Variants in CDH1 observed in about 807,000 individuals in gnomAD.
CDH1 encodes the protein cadherin-1.
In CDH1, 35 loss-of-function variants were observed where a neutral mutation model predicts 84.5. That is an observed-to-expected ratio of 0.41 (90% CI 0.32 to 0.55). The LOEUF is 0.55. CDH1 is among the 20% of genes least tolerant of loss of function. The pLI, the probability that CDH1 is intolerant of heterozygous loss-of-function variation, is 0.19. For synonymous variants in CDH1, 417 were observed against 439.0 expected, an observed-to-expected ratio of 0.95 and a Z score of 0.63; for missense variants, 994 against 1,126.6, an observed-to-expected ratio of 0.88 and a Z score of 1.68.
chr16:68,747,924 C>T (rs988903235), intron 2 of CDH1, among the ~76,000 whole-genome samples: 1 of 151,640 alleles, frequency 6.6e-6, no homozygotes, highest in Non-Finnish European at 1.5e-5. Context: ...CCAACACACC[C>T]GGCTAATTTT....
rs1555514454 is a variant in CDH1, at chr16:68,801,805, T to C, written c.299T>C (p.Val100Ala). ...CATAACCCACAGATCCATTTCTTGG[T>C]CTACGCCTGGGACTCCACCTACAGA... Reference protein sequence around the residue: ...RFHNPQIHFLVYAWDSTYRKF... With the variant: ...RFHNPQIHFLAYAWDSTYRKF... The change falls in exon 3 of 16, where the codon GTC becomes GCC. Residue 100 changes from valine to alanine, a missense_variant. Val to Ala is a moderately conservative substitution (Grantham distance 64, BLOSUM62 0). Transcript: ENST00000261769. 2 of 1,614,224 alleles carry C rather than the reference T, an allele frequency of 1.2e-6. No individual in the cohort carries two copies. Among genetic ancestry groups the C allele is most frequent in the Non-Finnish European group, 1.7e-6 (2 of 1,180,032 alleles).
At position 68,763,003 on chromosome 16, in the gene CDH1, C is replaced by T. The variant is rs989188285; in HGVS notation, c.163+24592C>T. ...GGCCATCTTTTTAAACAGTAAGGGA[C>T]CTTTAAAAAGTTTGATTCCTCTCTT... On this transcript the variant is annotated intron_variant, in intron 2 of 15. Transcript: ENST00000261769. Among the ~76,000 whole-genome samples the T allele has an allele frequency of 3.1e-4, 46 of 149,894 alleles. 1 individual carries two copies. Among genetic ancestry groups the T allele is most frequent in the Admixed American group, 2.5e-3 (37 of 15,022 alleles).
intron 12 of CDH1, 116 bp from the exon 13 acceptor site, chr16:68,823,283 C>T: frequency 1.3e-6 from 1 of 757,448 alleles, no homozygotes; most frequent in East Asian, 2.5e-5. Context: ...ACCCAAGCAG[C>T]TCTGCTCTCT....
intron 2 of CDH1, among the ~76,000 whole-genome samples, chr16:68,748,554 G>A (rs1431089039): frequency 6.6e-6 from 1 of 152,244 alleles, no homozygotes; most frequent in Non-Finnish European, 1.5e-5. Context: ...ACACTGGGTA[G>A]TGTCCTATCT....
intron 2 of CDH1, among the ~76,000 whole-genome samples, chr16:68,782,441 AG>A (rs1221766067): frequency 3.3e-5 from 5 of 152,236 alleles, no homozygotes; most frequent in African/African-American, 1.2e-4. Context: ...CAACTGTGAC[AG>A]GTGGGGGCCA....
intron 11 of CDH1, 100 bp from the exon 12 acceptor site, chr16:68,821,901 A>G: frequency 2.1e-6 from 2 of 931,490 alleles, no homozygotes; most frequent in East Asian, 4.9e-5. Flanking sequence ...GTGAGGGACC[A>G]CTGAAGAGCC....
intron 10 of CDH1, among the ~76,000 whole-genome samples, chr16:68,818,855 A>G (rs1344046781): frequency 6.7e-6 from 1 of 149,892 alleles, no homozygotes; most frequent in Non-Finnish European, 1.5e-5. Context: ...GTCTCAAAAA[A>G]AAAAAAAAAA....
intron 2 of CDH1, among the ~76,000 whole-genome samples, chr16:68,775,767 G>T (rs1044375021): frequency 6.6e-6 from 1 of 152,160 alleles, no homozygotes; most frequent in African/African-American, 2.4e-5. Flanking sequence ...GAAACAAAAG[G>T]TTATGATTTG....
intron 2 of CDH1, among the ~76,000 whole-genome samples, chr16:68,761,020 A>G (rs748934745): frequency 1.3e-5 from 2 of 152,196 alleles, no homozygotes; most frequent in Non-Finnish European, 2.9e-5. Context: ...CAGATAGGTC[A>G]AGTGAAACTG....
chr16:68,819,299 A>G lies in CDH1; in HGVS notation c.1585A>G (p.Thr529Ala), dbSNP rs776890776. 6.2e-6 allele frequency: 10 copies of G among 1,614,232 alleles called. No individual in the cohort carries two copies. The East Asian group carries it at 2.2e-4, about 36-fold the overall frequency. The change falls in exon 11 of 16, where the codon ACT becomes GCT. Residue 529 changes from threonine (T) to alanine (A), a missense_variant. Around this residue, in one of 3 missense-constraint regions of CDH1, gnomAD observed 769 missense variants for 881.8 expected, o/e 0.87. Coordinates refer to ENST00000261769, the MANE Select transcript of CDH1 (RefSeq NM_004360.5). ...GTTCAGATATCGGATTTGGAGAGAC[A>G]CTGCCAACTGGCTGGAGATTAATCC... ...QKITYRIWRDTANWLEINPDT... is the reference protein window; with the variant it reads ...QKITYRIWRDAANWLEINPDT...
At chr16:68,767,097 G>A (rs1185330688) in intron 2 of CDH1, among the ~76,000 whole-genome samples, 1 of 152,034 alleles carries the variant, frequency 6.6e-6, no homozygotes, top group Non-Finnish European at 1.5e-5. Flanking sequence ...CTGTGACAGG[G>A]AGATCTGCCA....
chr16:68,834,464 G>T lies in CDH1; in HGVS notation c.*965G>T. On this transcript the variant is annotated 3_prime_UTR_variant, in exon 16 of 16. Coordinates refer to ENST00000261769, the MANE Select transcript of CDH1 (RefSeq NM_004360.5). ...ACTCCTGGCCTCAAGCAATCCTTCT[G>T]CCTTGGCCCCCCAAAGTGCTGGGAT... The T allele has an allele frequency of 3.2e-6, 1 of 316,478 alleles. No individual in the cohort carries two copies. Among genetic ancestry groups the T allele is most frequent in the Non-Finnish European group, 6.1e-6 (1 of 163,290 alleles). 19.6% of individuals were successfully genotyped at this position (316,478 alleles called of 1,614,324 possible). A position where few individuals can be genotyped will look rare whatever the true frequency, so the allele number is the denominator to read the frequency against.
At chr16:68,809,878 A>C (rs540038054) in intron 5 of CDH1, among the ~76,000 whole-genome samples, 15 of 152,264 alleles carry the variant, frequency 9.9e-5, no homozygotes, top group South Asian at 6.2e-4. Flanking sequence ...GCTAGACTAA[A>C]AGGACCAGAG....
chr16:68,797,499 G>A (rs531919694), intron 2 of CDH1, among the ~76,000 whole-genome samples: 6 of 152,122 alleles, frequency 3.9e-5, no homozygotes, highest in South Asian at 2.1e-4. Context: ...CCTGGGCAAC[G>A]TAGTCAGACC....
At chr16:68,830,397 AT>A (rs2152142798) in intron 15 of CDH1, among the ~76,000 whole-genome samples, 1 of 152,270 alleles carries the variant, frequency 6.6e-6, no homozygotes, top group South Asian at 2.1e-4. Flanking sequence ...AGTAAATTTC[AT>A]TTTAGTTTCA....
At chr16:68,751,068 TCTC>T (rs1221131179) in intron 2 of CDH1, among the ~76,000 whole-genome samples, 1 of 152,112 alleles carries the variant, frequency 6.6e-6, no homozygotes, top group Non-Finnish European at 1.5e-5. Context: ...TCCTTCCTGG[TCTC>T]CCCACTTATT....
In CDH1 at chr16:68,738,367, C is replaced by T. The variant is rs1962460411; in HGVS notation, c.119C>T (p.Thr40Met). 1.9e-6 allele frequency: 3 copies of T among 1,551,032 alleles called. No homozygotes were observed. The highest frequency in any genetic ancestry group is 1.2e-5 in the South Asian group (1 of 83,994). The change falls in exon 2 of 16, where the codon ACG (threonine) becomes ATG (methionine). Residue 40 changes from threonine to methionine, a missense_variant. This residue lies in a region of CDH1 where 203 missense variants were observed against 194.0 expected (regional missense o/e 1.05). Coordinates refer to ENST00000261769, the MANE Select transcript of CDH1 (RefSeq NM_004360.5). ...TTTGACGCCGAGAGCTACACGTTCA[C>T]GGTGCCCCGGCGCCACCTGGAGAGA... ...PGFDAESYTF[T>M]VPRRHLERGR...
chr16:68,816,710 C>T (rs1299782673), intron 10 of CDH1, among the ~76,000 whole-genome samples: 1 of 152,170 alleles, frequency 6.6e-6, no homozygotes, highest in Non-Finnish European at 1.5e-5. Context: ...GATCGAGTCA[C>T]TGCACTCCAG....
Position 68,823,593 on chromosome 16 carries a change from C to G in CDH1, c.2131C>G (p.Leu711Val), listed in dbSNP as rs121964871. ...AGCAGGATTGCAAATTCCTGCCATT[C>G]TGGGGATTCTTGGAGGAATTCTTGC... ...VEAGLQIPAI[L>V]GILGGILALL... is the part of the protein sequence containing the mutation. The change falls in exon 13 of 16, where the codon CTG (leucine) becomes GTG (valine). Residue 711 changes from leucine to valine, a missense_variant. Leu to Val is a conservative substitution (Grantham distance 32, BLOSUM62 1). Around this residue, in one of 3 missense-constraint regions of CDH1, gnomAD observed 769 missense variants for 881.8 expected, o/e 0.87. Coordinates refer to ENST00000261769, the MANE Select transcript of CDH1 (RefSeq NM_004360.5). The G allele has an allele frequency of 3.8e-5, 62 of 1,613,210 alleles. No individual in the cohort carries two copies. The highest frequency in any genetic ancestry group is 5.2e-5 in the Non-Finnish European group (61 of 1,179,950).
Sources: allele counts gnomAD v4.1 joint callset (sites outside exome capture counted in the v4.1 genomes callset), GRCh38; gene constraint gnomAD v4.1.1; regional missense constraint gnomAD v4.1.1; transcripts MANE v1.5; gene names NCBI Gene and HGNC (gene_info 2026-07-23, HGNC 2026-07-21).